The following MORC2 variants were observed in gnomAD, a reference collection of about 807,000 sequenced individuals.
The protein encoded by MORC2 is ATPase MORC2.
Under a neutral mutation model 136.0 loss-of-function variants are expected in MORC2, and 30 were observed. The ratio of observed to expected loss-of-function variants is 0.22; its 90% CI spans 0.17 to 0.30. MORC2 has a LOEUF of 0.30. Among genes scored for constraint, MORC2 ranks in the 10% least tolerant of loss-of-function variants. MORC2 has a pLI of 1.00. For synonymous variants in MORC2, 439 were observed against 487.0 expected (o/e 0.90, Z 1.30); for missense variants, 922 against 1,333.1 (o/e 0.69, Z 4.80).
At chr22:30,940,723 C>T (rs1201663709) in intron 10 of MORC2, 35 bp downstream of exon 10, 4 of 1,593,522 alleles carry the variant, frequency 2.5e-6, no homozygotes, top group Admixed American at 1.7e-5. Context: ...CCCAGATGCA[C>T]ACCCCCCCAA....
rs1342054043 is a variant in MORC2, at chr22:30,926,871, C to T, written c.3031G>A (p.Asp1011Asn). ...TCATCATCTGTGTTGATGTCTATGT[C>T]CTGGAATAGAGCAGGGTAGGGATCA... ...IVALLQKVQE[D>N]IDINTDDELD... The change falls in exon 26 of 26, where the codon GAC becomes AAC. Residue 1011 changes from aspartate (D) to asparagine (N), a missense_variant and splice_region_variant. Coordinates refer to ENST00000397641, the MANE Select transcript of MORC2 (RefSeq NM_001303256.3). The T allele has an allele frequency of 6.2e-7, 1 of 1,613,186 alleles. No individual in the cohort carries two copies. The highest frequency in any genetic ancestry group is 8.5e-7 in the Non-Finnish European group (1 of 1,179,554).
intron 1 of MORC2, among the ~76,000 whole-genome samples, chr22:30,965,294 G>T (rs770513548): frequency 6.6e-6 from 1 of 152,224 alleles, no homozygotes; most frequent in Non-Finnish European, 1.5e-5. Context: ...CAAAGGAGAA[G>T]AGAGACAAAT....
At chr22:30,952,058 G>A (rs899198846) in intron 3 of MORC2, among the ~76,000 whole-genome samples, 5 of 152,170 alleles carry the variant, frequency 3.3e-5, no homozygotes, top group African/African-American at 1.2e-4. Flanking sequence ...AGTACTATTG[G>A]TTAGATAAAA....
In MORC2 at chr22:30,967,905, TCCAGC is replaced by T; in HGVS notation, c.-21_-17del. Reference sequence around the variant, plus strand: ...TGAAAGCCATGACTGCAATAAGGTCTCCAGCCCTTCACCCGCTAACTGGGAAATAT... The same window carrying T: ...TGAAAGCCATGACTGCAATAAGGTCTCCTTCACCCGCTAACTGGGAAATAT... On this transcript the variant is annotated 5_prime_UTR_variant, in exon 1 of 26. Coordinates refer to ENST00000397641, the MANE Select transcript of MORC2 (RefSeq NM_001303256.3). 3.9e-6 allele frequency: 6 copies of T among 1,525,352 alleles called. No homozygotes were observed. The highest frequency in any genetic ancestry group is 5.3e-6 in the Non-Finnish European group (6 of 1,123,628). 94.5% of individuals were successfully genotyped at this position (1,525,352 alleles called of 1,614,324 possible).
intron 24 of MORC2, 147 bp from the exon 25 acceptor site, chr22:30,928,354 T>C (rs748513715): frequency 5.6e-6 from 4 of 719,792 alleles, no homozygotes; most frequent in Admixed American, 4.9e-5. Context: ...AAACAGCCTC[T>C]TTACGTCCAG....
At chr22:30,936,478 G>A (rs754687543) in intron 17 of MORC2, 33 bp downstream of exon 17, 1 of 1,611,966 alleles carries the variant, frequency 6.2e-7, no homozygotes, top group Admixed American at 1.7e-5. Context: ...CCTGACACAG[G>A]CTGGCTTTGC....
At chr22:30,961,816 T>C (rs2041050534) in intron 1 of MORC2, among the ~76,000 whole-genome samples, 1 of 152,100 alleles carries the variant, frequency 6.6e-6, no homozygotes, top group Non-Finnish European at 1.5e-5. Context: ...CAATACATAT[T>C]TTCCGATAGC....
chr22:30,950,337 G>GGGGGGGGC, intron 4 of MORC2, 40 bp downstream of exon 4: 2 of 761,754 alleles, frequency 2.6e-6, no homozygotes, highest in Non-Finnish European at 4.7e-6. Flanking sequence ...TGGTTACATC[G>GGGGGGGGC]CACCCCCCCA....
At chr22:30,958,764 TTATAAAA>T in intron 1 of MORC2, 70 bp from the exon 2 acceptor site, 2 of 1,342,714 alleles carry the variant, frequency 1.5e-6, no homozygotes, top group Non-Finnish European at 2.1e-6. Context: ...AAAGCCATGG[TTATAAAA>T]TATTTAAGTT....
chr22:30,961,731 T>C (rs1319391532), intron 1 of MORC2, among the ~76,000 whole-genome samples: 4 of 152,196 alleles, frequency 2.6e-5, no homozygotes, highest in Admixed American at 2.0e-4. Flanking sequence ...AATCTGAATA[T>C]TCTGGAAAAC....
intron 3 of MORC2, among the ~76,000 whole-genome samples, chr22:30,953,043 T>C (rs539228004): frequency 3.3e-5 from 5 of 152,354 alleles, no homozygotes; most frequent in South Asian, 2.1e-4. Context: ...CAAGATGATA[T>C]TGACAACATC....
intron 1 of MORC2, among the ~76,000 whole-genome samples, chr22:30,965,027 T>C (rs1174146042): frequency 6.6e-6 from 1 of 152,256 alleles, no homozygotes; most frequent in Non-Finnish European, 1.5e-5. Context: ...CCCCATTTTA[T>C]AGTTGAAGAA....
chr22:30,927,499 A>G (rs908640260), intron 25 of MORC2, among the ~76,000 whole-genome samples: 1 of 151,994 alleles, frequency 6.6e-6, no homozygotes, highest in Non-Finnish European at 1.5e-5. Context: ...GCCCCTGAAC[A>G]CCCTAGTCAA....
chr22:30,950,352 C>CCCTACCCA, intron 4 of MORC2, 25 bp downstream of exon 4: 1 of 1,449,962 alleles, frequency 6.9e-7, no homozygotes, highest in South Asian at 1.2e-5. Context: ...CCCCCACCCC[C>CCCTACCCA]CAAAACAATA....
At chr22:30,958,079 T>C (rs1488825861) in intron 2 of MORC2, among the ~76,000 whole-genome samples, 2 of 152,238 alleles carry the variant, frequency 1.3e-5, no homozygotes, top group Admixed American at 1.3e-4. Flanking sequence ...CAAACTTCTA[T>C]TCAGTCTTAC....
rs201792004 is a variant in MORC2 at position 30,933,527 on chromosome 22, G to C, written c.2326-7C>G. 2 of 1,613,474 alleles carry C rather than the reference G, an allele frequency of 1.2e-6. No homozygotes were observed. The highest frequency in any genetic ancestry group is 1.7e-6 in the Non-Finnish European group (2 of 1,179,904). ...CCCCAGCACTGTCTGAGAGCTGCGTGGAGAGCAGTCTATTAGAGGCATCCC... is the reference window on the plus strand; with the variant it reads ...CCCCAGCACTGTCTGAGAGCTGCGTCGAGAGCAGTCTATTAGAGGCATCCC... On this transcript the variant is annotated splice_polypyrimidine_tract_variant and splice_region_variant and intron_variant, in intron 20 of 25. Transcript: ENST00000397641.
intron 17 of MORC2, 81 bp from the exon 18 acceptor site, chr22:30,935,403 G>C: frequency 1.4e-6 from 2 of 1,385,888 alleles, no homozygotes; most frequent in South Asian, 2.5e-5. Context: ...TCTGGAACCA[G>C]GGACAAAAAA....
intron 1 of MORC2, among the ~76,000 whole-genome samples, chr22:30,964,043 TTCAC>T (rs1338360498): frequency 2.0e-5 from 3 of 152,116 alleles, no homozygotes; most frequent in African/African-American, 7.2e-5. Flanking sequence ...CTCCTCTACA[TTCAC>T]TTCACATACC....
Position 30,930,589 on chromosome 22 carries a change from T to C in MORC2, c.2841+1770A>G, listed in dbSNP as rs143900220. 2.5e-3 allele frequency among the ~76,000 whole-genome samples: 378 copies of C among 152,348 alleles called. 9 individuals are homozygous for C. The East Asian group carries it at 0.055, about 22-fold the overall frequency. ...CTTAGTTTCTTCAACTCCTGCTTCA[T>C]TTCACATTTTAAAAAGTAGAATAAA... On this transcript the variant is annotated intron_variant, in intron 24 of 25. Transcript: ENST00000397641.
Sources: gnomAD v4.1 joint callset for allele counts (sites outside exome capture counted in the v4.1 genomes callset) on GRCh38, gnomAD v4.1.1 for gene constraint, MANE v1.5 for transcripts, NCBI Gene and HGNC (gene_info 2026-07-23, HGNC 2026-07-21) for gene names.